Variants in ZNF609 observed in about 807,000 individuals in gnomAD.
ZNF609 encodes zinc finger protein 609.
Under a neutral mutation model 109.5 loss-of-function variants are expected in ZNF609, and 11 were observed. That is an observed-to-expected ratio of 0.10 (90% confidence interval 0.06 to 0.17). The LOEUF is 0.17. ZNF609 is among the 10% of genes least tolerant of loss of function. ZNF609 has a pLI of 1.00. For missense variants in ZNF609, 1,559 were observed against 1,772.4 expected (o/e 0.88, Z 2.16); for synonymous variants, 646 against 662.0 (o/e 0.98, Z 0.37).
At chr15:64,543,333 A>G (rs1203567629) in intron 2 of ZNF609, among the ~76,000 whole-genome samples, 6 of 143,030 alleles carry the variant, frequency 4.2e-5, no homozygotes, top group Middle Eastern at 3.8e-3. Flanking sequence ...GCAGTTCCCT[A>G]GACATGCCAT....
At position 64,673,998 on chromosome 15, in the gene ZNF609, C is replaced by T; in HGVS notation, c.1144C>T (p.Pro382Ser). ...GKRMRPNSNT[P>S]VNETATASDS... ...ACGCATGCGTCCCAACAGTAATACA[C>T]CTGTCAATGAGACAGCCACAGCCTC... The change falls in exon 5 of 10, where the codon CCT becomes TCT. Residue 382 changes from proline (P) to serine (S), a missense_variant. Around this residue, in one of 4 missense-constraint regions of ZNF609, gnomAD observed 1,204 missense variants for 1,314.1 expected, o/e 0.92. Coordinates refer to ENST00000326648, the MANE Select transcript of ZNF609 (RefSeq NM_015042.2). 1 of 1,614,176 alleles carries T rather than the reference C, an allele frequency of 6.2e-7. No individual in the cohort carries two copies. The highest frequency in any genetic ancestry group is 1.7e-5 in the Admixed American group (1 of 60,022).
At chr15:64,492,563 A>C (rs1354408171) in intron 1 of ZNF609, among the ~76,000 whole-genome samples, 1 of 152,180 alleles carries the variant, frequency 6.6e-6, no homozygotes, top group East Asian at 1.9e-4. Context: ...TTTTAAATAA[A>C]TAGAGATGGA....
At chr15:64,523,574 T>A (rs1312265955) in intron 2 of ZNF609, among the ~76,000 whole-genome samples, 2 of 152,060 alleles carry the variant, frequency 1.3e-5, no homozygotes, top group Non-Finnish European at 2.9e-5. Context: ...GACACCAGCC[T>A]GGCCAACATC....
At chr15:64,492,640 C>A (rs1893430048) in intron 1 of ZNF609, among the ~76,000 whole-genome samples, 1 of 152,148 alleles carries the variant, frequency 6.6e-6, no homozygotes, top group African/African-American at 2.4e-5. Flanking sequence ...CCTCGGCCTC[C>A]CAAAGTGCTG....
In ZNF609 at chr15:64,608,225, G is replaced by C. The variant is rs138998877; in HGVS notation, c.748-14602G>C. Among the ~76,000 whole-genome samples, 871 of 151,980 alleles carry C rather than the reference G, an allele frequency of 5.7e-3. 12 individuals carry two copies. Among genetic ancestry groups the C allele is most frequent in the African/African-American group, 0.02 (837 of 41,478 alleles). On this transcript the variant is annotated intron_variant, in intron 2 of 9. Coordinates refer to ENST00000326648, the MANE Select transcript of ZNF609 (RefSeq NM_015042.2). ...TTATTTCTTATTTTAATTCTAGTCT[G>C]GTAAACATCAGTCAATTTATCCCAC...
chr15:64,587,238 C>T (rs1009010166), intron 2 of ZNF609, among the ~76,000 whole-genome samples: 1 of 152,168 alleles, frequency 6.6e-6, no homozygotes, highest in Non-Finnish European at 1.5e-5. Context: ...GAAATCTCAG[C>T]CTTGTCTTTG....
intron 2 of ZNF609, among the ~76,000 whole-genome samples, chr15:64,505,192 G>A (rs552445103): frequency 3.6e-4 from 55 of 152,250 alleles, no homozygotes; most frequent in Admixed American, 1.2e-3. Flanking sequence ...TATAAAGAAG[G>A]AAAGTTACTT....
chr15:64,522,556 T>C (rs1188737409), intron 2 of ZNF609, among the ~76,000 whole-genome samples: 2 of 152,234 alleles, frequency 1.3e-5, no homozygotes, highest in African/African-American at 2.4e-5. Flanking sequence ...AAACCAATTT[T>C]TTATCTTCAT....
At chr15:64,629,546 C>T in intron 3 of ZNF609, among the ~76,000 whole-genome samples, 1 of 152,052 alleles carries the variant, frequency 6.6e-6, no homozygotes. Flanking sequence ...TGTTTACTTT[C>T]CAGTCTTGAA....
At chr15:64,494,180 C>G (rs999856499) in intron 1 of ZNF609, among the ~76,000 whole-genome samples, 3 of 152,136 alleles carry the variant, frequency 2.0e-5, no homozygotes, top group Non-Finnish European at 4.4e-5. Context: ...TCTTTGCATC[C>G]TGGTCATTCA....
chr15:64,638,365 A>T (rs1452735977), intron 3 of ZNF609, among the ~76,000 whole-genome samples: 1 of 151,400 alleles, frequency 6.6e-6, no homozygotes, highest in Admixed American at 6.6e-5. Context: ...CTTCTTCAAG[A>T]TTGCCTTGGC....
intron 3 of ZNF609, among the ~76,000 whole-genome samples, chr15:64,634,073 T>A (rs556269261): frequency 6.6e-6 from 1 of 152,038 alleles, no homozygotes; most frequent in African/African-American, 2.4e-5. Flanking sequence ...GACATGCATA[T>A]ATATATGTGT....
intron 3 of ZNF609, among the ~76,000 whole-genome samples, chr15:64,668,952 CAAAAAAAAAAA>C (rs538954402): frequency 2.0e-4 from 7 of 34,968 alleles, no homozygotes; most frequent in East Asian, 8.9e-4. Context: ...AACTCCGTCT[CAAAAAAAAAAA>C]AAAAAAAAAA....
At chr15:64,469,582 ACT>A (rs1036203963) in intron 1 of ZNF609, among the ~76,000 whole-genome samples, 2 of 150,852 alleles carry the variant, frequency 1.3e-5, no homozygotes, top group African/African-American at 2.4e-5. Context: ...CTGGGGCTTG[ACT>A]CTCATACTCT....
At chr15:64,659,043 C>T (rs755520871) in intron 3 of ZNF609, among the ~76,000 whole-genome samples, 4 of 152,134 alleles carry the variant, frequency 2.6e-5, no homozygotes, top group African/African-American at 4.8e-5. Flanking sequence ...CTGCTCACCT[C>T]AGCCTCCCAA....
Position 64,678,244 on chromosome 15 carries a change from T to C in ZNF609, c.3531T>C (p.Ser1177=), listed in dbSNP as rs1896834247. The C allele has an allele frequency of 6.2e-7, 1 of 1,614,062 alleles. No individual in the cohort carries two copies. Among genetic ancestry groups the C allele is most frequent in the Non-Finnish European group, 8.5e-7 (1 of 1,180,034 alleles). Residue 1177 remains serine, a synonymous_variant, in exon 6 of 10, where the codon TCT becomes TCC. Transcript: ENST00000326648. ...LKEERSRSKD[S]VPKEDGKEST... Reference sequence around the variant, plus strand: ...AGGAAAGGAGTCGGAGTAAGGACTCTGTCCCCAAGGAAGATGGGAAGGAAA... The same window carrying C: ...AGGAAAGGAGTCGGAGTAAGGACTCCGTCCCCAAGGAAGATGGGAAGGAAA...
intron 2 of ZNF609, among the ~76,000 whole-genome samples, chr15:64,545,058 G>C (rs996862289): frequency 2.6e-5 from 4 of 152,214 alleles, no homozygotes; most frequent in Non-Finnish European, 5.9e-5. Context: ...AAGATTAAAT[G>C]AGACTAGTAC....
intron 2 of ZNF609, among the ~76,000 whole-genome samples, chr15:64,553,141 G>A (rs1412585077): frequency 6.6e-6 from 1 of 151,970 alleles, no homozygotes; most frequent in Non-Finnish European, 1.5e-5. Context: ...TACATGTCTT[G>A]ATTACTATAA....
chr15:64,497,143 T>C (rs530242258), intron 1 of ZNF609, among the ~76,000 whole-genome samples: 1 of 152,330 alleles, frequency 6.6e-6, no homozygotes, highest in South Asian at 2.1e-4. Flanking sequence ...AGAGATTATG[T>C]TTCCTTTACC....
Sources: allele counts gnomAD v4.1 joint callset (sites outside exome capture counted in the v4.1 genomes callset), GRCh38; gene constraint gnomAD v4.1.1; regional missense constraint gnomAD v4.1.1; transcripts MANE v1.5; gene names NCBI Gene and HGNC (gene_info 2026-07-23, HGNC 2026-07-21).